Variants in KIF15 observed in about 807,000 individuals in gnomAD.
KIF15 encodes kinesin family member 15.
A neutral mutation model predicts 190.6 loss-of-function variants in KIF15; 140 were observed. The observed-to-expected ratio is 0.73, with a 90% CI of 0.64 to 0.84. The LOEUF is 0.84. Ranked by LOEUF, KIF15 falls within the 40% of genes least tolerant of loss-of-function variation. KIF15 has a pLI of 0.00. For synonymous variants in KIF15, 528 were observed against 551.3 expected (o/e 0.96, Z 0.59); for missense variants, 1,372 against 1,584.4 (o/e 0.87, Z 2.28).
intron 14 of KIF15, among the ~76,000 whole-genome samples, 172 bp from the exon 15 acceptor site, chr3:44,804,855 T>C (rs1707420038): frequency 6.6e-6 from 1 of 152,126 alleles, no homozygotes; most frequent in Admixed American, 6.6e-5. Flanking sequence ...GCACCTGTAG[T>C]CCCAACTATT....
At chr3:44,864,374 C>T in intron 6 of KIF15, 2 of 1,613,172 alleles carry the variant, frequency 1.2e-6, no homozygotes, top group Non-Finnish European at 1.7e-6. Flanking sequence ...GTGCTCTTGT[C>T]CTAAATCTGG....
intron 6 of KIF15, chr3:44,862,372 C>CGGGGACTGAGGCCTCTTCCCT (rs1699267604): frequency 6.4e-6 from 1 of 156,842 alleles, no homozygotes; most frequent in Admixed American, 6.5e-5. Context: ...TAAGAGACGT[C>CGGGGACTGAGGCCTCTTCCCT]GGGGACTGAG....
intron 1 of KIF15, among the ~76,000 whole-genome samples, chr3:44,763,467 A>G (rs1221594677): frequency 1.3e-5 from 2 of 151,818 alleles, no homozygotes; most frequent in Non-Finnish European, 2.9e-5. Flanking sequence ...ATGCCCAGCT[A>G]ATTTTTTTAT....
chr3:44,844,950 C>T (rs961909193), intron 30 of KIF15, among the ~76,000 whole-genome samples: 7 of 152,260 alleles, frequency 4.6e-5, no homozygotes, highest in African/African-American at 1.4e-4. Context: ...GCCTGGTTAA[C>T]TGTAAAAAAG....
chr3:44,764,994 T>C (rs1705319748), intron 1 of KIF15, among the ~76,000 whole-genome samples: 1 of 152,312 alleles, frequency 6.6e-6, no homozygotes, highest in South Asian at 2.1e-4. Context: ...TTTTATACTC[T>C]CTTTAACCTT....
At chr3:44,832,057 T>C (rs914468043) in intron 26 of KIF15, among the ~76,000 whole-genome samples, 1 of 152,128 alleles carries the variant, frequency 6.6e-6, no homozygotes, top group African/African-American at 2.4e-5. Flanking sequence ...GCTTAAGAGA[T>C]ATGTGTAATA....
intron 7 of KIF15, among the ~76,000 whole-genome samples, chr3:44,786,979 C>G (rs941162919): frequency 3.3e-5 from 5 of 152,068 alleles, no homozygotes; most frequent in African/African-American, 1.2e-4. Flanking sequence ...GACAAGCAAA[C>G]CTCTTGACAG....
intron 7 of KIF15, among the ~76,000 whole-genome samples, chr3:44,789,954 A>G (rs1270253226): frequency 1.3e-5 from 2 of 152,222 alleles, no homozygotes; most frequent in African/African-American, 2.4e-5. Flanking sequence ...AAGAATAATA[A>G]CAACTAAGAT....
chr3:44,796,530 A>G (rs571148291), intron 8 of KIF15, among the ~76,000 whole-genome samples: 20 of 152,336 alleles, frequency 1.3e-4, no homozygotes, highest in African/African-American at 1.9e-4. Flanking sequence ...CTGAGATTCA[A>G]ACCGAGCTGC....
chr3:44,780,725 A>C (rs1706122744), intron 4 of KIF15, among the ~76,000 whole-genome samples, 160 bp from the exon 5 acceptor site: 1 of 152,226 alleles, frequency 6.6e-6, no homozygotes, highest in Non-Finnish European at 1.5e-5. Flanking sequence ...GAGATTGGAG[A>C]GAAAGGAGGC....
At chr3:44,834,710 G>T (rs574582100) in intron 26 of KIF15, among the ~76,000 whole-genome samples, 1 of 151,642 alleles carries the variant, frequency 6.6e-6, no homozygotes, top group South Asian at 2.1e-4. Flanking sequence ...GGATCACAAG[G>T]TCAGGAGATC....
intron 7 of KIF15, among the ~76,000 whole-genome samples, chr3:44,789,426 T>G (rs1340750838): frequency 6.6e-6 from 1 of 151,874 alleles, no homozygotes; most frequent in Admixed American, 6.6e-5. Flanking sequence ...TTATGTGACA[T>G]CTAGTCTTTG....
intron 1 of KIF15, among the ~76,000 whole-genome samples, chr3:44,772,180 G>A (rs185506285): frequency 7.2e-5 from 11 of 152,252 alleles, no homozygotes; most frequent in Middle Eastern, 3.4e-3. Flanking sequence ...CACCAATTTC[G>A]TAACTGGACA....
intron 5 of KIF15, 49 bp downstream of exon 5, chr3:44,780,971 A>G: frequency 3.1e-6 from 4 of 1,291,402 alleles, no homozygotes; most frequent in Non-Finnish European, 4.4e-6. Context: ...TTCTGTGATA[A>G]CAGTAACCTA....
At chr3:44,852,440 A>G in intron 34 of KIF15, 101 bp downstream of exon 34, 1 of 1,165,826 alleles carries the variant, frequency 8.6e-7, no homozygotes, top group Non-Finnish European at 1.2e-6. Flanking sequence ...TTAACTGCTT[A>G]CTTCAGGGAG....
chr3:44,829,168 T>C (rs1697839254), intron 24 of KIF15, among the ~76,000 whole-genome samples: 1 of 151,258 alleles, frequency 6.6e-6, no homozygotes, highest in Admixed American at 6.6e-5. Flanking sequence ...CCATCCTGGC[T>C]AACATGGTGA....
At chr3:44,836,791 TAGG>T (rs1698344339) in intron 26 of KIF15, among the ~76,000 whole-genome samples, 1 of 152,316 alleles carries the variant, frequency 6.6e-6, no homozygotes, top group Non-Finnish European at 1.5e-5. Context: ...ATAGCCAAGA[TAGG>T]AGATCAGTCT....
chr3:44,865,347 C>A, intron 6 of KIF15: 1 of 819,384 alleles, frequency 1.2e-6, no homozygotes, highest in Non-Finnish European at 1.9e-6. Flanking sequence ...AGGAGAGGTG[C>A]AGCTGCAGCA....
intron 6 of KIF15, chr3:44,861,817 C>A (rs1699251290): frequency 2.4e-6 from 3 of 1,269,572 alleles, no homozygotes; most frequent in East Asian, 3.0e-5. Flanking sequence ...AGGGGCCTGC[C>A]GGAGCGTGGC....
Sources: allele counts gnomAD v4.1 joint callset (sites outside exome capture counted in the v4.1 genomes callset), GRCh38; gene constraint gnomAD v4.1.1; transcripts MANE v1.5; gene names NCBI Gene and HGNC (gene_info 2026-07-23, HGNC 2026-07-21).